The following KIF17 variants were observed in gnomAD, a reference collection of about 807,000 sequenced individuals.
KIF17 encodes the protein kinesin-like protein KIF17.
A neutral mutation model predicts 96.8 loss-of-function variants in KIF17; 80 were observed. The observed-to-expected ratio is 0.83, with a 90% confidence interval of 0.69 to 1.00. The LOEUF is 1.00. Among genes scored for constraint, KIF17 ranks in the 50% least tolerant of loss-of-function variants. KIF17 has a pLI of 0.00. For missense variants in KIF17, 1,280 were observed against 1,372.9 expected, an observed-to-expected ratio of 0.93 and a Z score of 1.07; for synonymous variants, 567 against 587.5, an observed-to-expected ratio of 0.97 and a Z score of 0.51.
chr1:20,703,487 G>GATGGATGGATGC (rs1350902154), intron 5 of KIF17, among the ~76,000 whole-genome samples: 2 of 109,824 alleles, frequency 1.8e-5, no homozygotes, highest in Admixed American at 8.8e-5. Flanking sequence ...TAGATGGATA[G>GATGGATGGATGC]ATGGATGGAT....
At chr1:20,683,978 T>C (rs2053881165) in intron 10 of KIF17, among the ~76,000 whole-genome samples, 1 of 152,288 alleles carries the variant, frequency 6.6e-6, no homozygotes, top group Non-Finnish European at 1.5e-5. Flanking sequence ...AAGTGTTTAC[T>C]GCGTGCCCAG....
At chr1:20,679,808 A>G (rs1189181688) in intron 11 of KIF17, among the ~76,000 whole-genome samples, 1 of 152,202 alleles carries the variant, frequency 6.6e-6, no homozygotes, top group African/African-American at 2.4e-5. Context: ...AACCTCCTGA[A>G]AGAAGTCCAG....
downstream of KIF17, among the ~76,000 whole-genome samples, chr1:20,663,736 T>C (rs1162231060): frequency 6.6e-6 from 1 of 152,244 alleles, no homozygotes; most frequent in Non-Finnish European, 1.5e-5. Flanking sequence ...CCCCCAGGAC[T>C]GTCAAAAGCT....
At chr1:20,665,103 C>T (rs1227997488) in intron 14 of KIF17, among the ~76,000 whole-genome samples, 1 of 152,036 alleles carries the variant, frequency 6.6e-6, no homozygotes, top group Non-Finnish European at 1.5e-5. Context: ...GTCTCTGAGC[C>T]TCAGTTTCCT....
Position 20,704,708 on chromosome 1 carries a change from G to A in KIF17, c.862C>T (p.Arg288Cys), listed in dbSNP as rs767489017. 13 of 1,613,770 alleles carry A rather than the reference G, an allele frequency of 8.1e-6. No homozygotes were observed. Among genetic ancestry groups the A allele is most frequent in the East Asian group, 2.2e-5 (1 of 44,888 alleles). The change falls in exon 5 of 15, where the codon CGT (arginine) becomes TGT (cysteine). Residue 288 changes from arginine to cysteine, a missense_variant. Arg to Cys is a radical substitution (Grantham distance 180). Transcript: ENST00000400463. The surrounding 1 kb of genome is among the most constrained non-coding windows in gnomAD (Gnocchi z 6.8). Reference sequence around the variant, plus strand: ...AGCAGCCGCGTCAGCTTCGAGTCACGGTAGGGGACGTGCTTACAGCGCCCG... The same window carrying A: ...AGCAGCCGCGTCAGCTTCGAGTCACAGTAGGGGACGTGCTTACAGCGCCCG... ...VDGRCKHVPY[R>C]DSKLTRLLQD...
Position 20,704,680 on chromosome 1 carries a change from T to C in KIF17, c.890A>G (p.Gln297Arg). 3 of 1,614,108 alleles carry C rather than the reference T, an allele frequency of 1.9e-6. No homozygotes were observed. The highest frequency in any genetic ancestry group is 2.5e-6 in the Non-Finnish European group (3 of 1,180,030). ...YRDSKLTRLL[Q>R]DSLGGNTKTL... The stretch of plus-strand genomic sequence containing the variant: ...CTTGGTGTTGCCGCCCAGTGAGTCC[T>C]GCAGCAGCCGCGTCAGCTTCGAGTC... Residue 297 changes from glutamine to arginine, a missense_variant, in exon 5 of 15, where the codon CAG (glutamine) becomes CGG (arginine). Coordinates refer to ENST00000400463, the MANE Select transcript of KIF17 (RefSeq NM_001122819.3). This position sits in a 1 kb window ranked among gnomAD's most constrained non-coding sequence, Gnocchi z 6.8.
In KIF17 at chr1:20,704,945, ATG is replaced by A; in HGVS notation, c.671-48_671-47del. On this transcript the variant is annotated intron_variant, in intron 4 of 14. Transcript: ENST00000400463. The surrounding 1 kb of genome is among the most constrained non-coding windows in gnomAD (Gnocchi z 6.8). Reference sequence around the variant, plus strand: ...GTGGCGAGGGCCTCGGGTGAGCCCTATGTATCGAGGGCAATCAGTGCCAGGCA... The same window carrying A: ...GTGGCGAGGGCCTCGGGTGAGCCCTATATCGAGGGCAATCAGTGCCAGGCA... 7.1e-6 allele frequency: 11 copies of A among 1,546,102 alleles called. No individual in the cohort carries two copies. The highest frequency in any genetic ancestry group is 8.8e-6 in the Non-Finnish European group (10 of 1,133,716).
At chr1:20,666,675 A>G (rs1001444609) in intron 13 of KIF17, among the ~76,000 whole-genome samples, 2 of 152,184 alleles carry the variant, frequency 1.3e-5, no homozygotes, top group Non-Finnish European at 2.9e-5. Context: ...ACAAGCCCCA[A>G]ATCTATCACG....
Position 20,709,628 on chromosome 1 carries a change from G to C in KIF17, c.670+11C>G. 1 of 1,613,836 alleles carries C rather than the reference G, an allele frequency of 6.2e-7. No homozygotes were observed. Among genetic ancestry groups the C allele is most frequent in the Non-Finnish European group, 8.5e-7 (1 of 1,179,994 alleles). ...ATCTGTCCCCCTGCCCCCAACAATG[G>C]CCTCGCATACCCACGGCAGACATCT... On this transcript the variant is annotated intron_variant, in intron 4 of 14. Transcript: ENST00000400463. This position sits in a 1 kb window ranked among gnomAD's most constrained non-coding sequence, Gnocchi z 4.7.
At chr1:20,669,821 G>C (rs528379888) in intron 13 of KIF17, among the ~76,000 whole-genome samples, 1 of 114,772 alleles carries the variant, frequency 8.7e-6, no homozygotes, top group Non-Finnish European at 1.6e-5. Context: ...AGCCAAGATC[G>C]CACCACTGCA....
At chr1:20,715,751 A>G in intron 1 of KIF17, 112 bp from the exon 2 acceptor site, 3 of 1,236,064 alleles carry the variant, frequency 2.4e-6, no homozygotes, top group Non-Finnish European at 3.5e-6. Flanking sequence ...CCCACCAACA[A>G]TGGCACTGGA....
At position 20,713,520 on chromosome 1, in the gene KIF17, G is replaced by A; in HGVS notation, c.414C>T (p.Ser138=). The stretch of plus-strand genomic sequence containing the variant: ...CATCTTCATTGTAGATCTCCAGGTA[G>A]GAGGCCCGGACCAGGAACTTAGTGT... ...AENTKFLVRA[S]YLEIYNEDVR... The change falls in exon 3 of 15, where the codon TCC becomes TCT. Residue 138 remains serine, a synonymous_variant. Transcript: ENST00000400463. The A allele has an allele frequency of 1.2e-6, 2 of 1,612,262 alleles. No homozygotes were observed. The highest frequency in any genetic ancestry group is 8.5e-7 in the Non-Finnish European group (1 of 1,179,520).
At chr1:20,705,195 T>G (rs2054320483) in intron 4 of KIF17, among the ~76,000 whole-genome samples, 1 of 152,266 alleles carries the variant, frequency 6.6e-6, no homozygotes, top group South Asian at 2.1e-4. Context: ...CCATTCTGAG[T>G]GCAATAGGGC....
intron 6 of KIF17, among the ~76,000 whole-genome samples, chr1:20,692,478 T>C (rs2054057056): frequency 6.6e-6 from 1 of 152,044 alleles, no homozygotes; most frequent in Non-Finnish European, 1.5e-5. Context: ...GCCTCCCAAG[T>C]AGCCTATTAC....
chr1:20,684,810 G>T lies in KIF17; in HGVS notation c.2230C>A (p.Arg744Ser). ...CCAGCCCCATGCTCTGCTGCTTACCGGGCCAGCACCTGCTGCTGGTCCACA... is the reference window on the plus strand; with the variant it reads ...CCAGCCCCATGCTCTGCTGCTTACCTGGCCAGCACCTGCTGCTGGTCCACA... The part of the protein sequence containing the change: ...PVVDQQQVLA[R>S]LQLLEQQVVG... The change falls in exon 10 of 15, where the codon CGT becomes AGT. Residue 744 changes from arginine to serine, a missense_variant and splice_region_variant. Transcript: ENST00000400463. 13 of 1,573,990 alleles carry T rather than the reference G, an allele frequency of 8.3e-6. No individual in the cohort carries two copies. The highest frequency in any genetic ancestry group is 1.1e-5 in the Non-Finnish European group (13 of 1,160,140).
Position 20,672,123 on chromosome 1 carries a change from G to T in KIF17, c.2537C>A (p.Thr846Asn), listed in dbSNP as rs1376188528. The T allele has an allele frequency of 1.2e-6, 2 of 1,614,064 alleles. No individual in the cohort carries two copies. Among genetic ancestry groups the T allele is most frequent in the East Asian group, 2.2e-5 (1 of 44,898 alleles). ...GGAGTCACGCTCCTGCCGGCGGATGGTGGCCAAGTAATCGATCTTCTCCAG... is the reference window on the plus strand; with the variant it reads ...GGAGTCACGCTCCTGCCGGCGGATGTTGGCCAAGTAATCGATCTTCTCCAG... Reference protein sequence around the residue: ...FQLEKIDYLATIRRQERDSML... With the variant: ...FQLEKIDYLANIRRQERDSML... The change falls in exon 12 of 15, where the codon ACC becomes AAC. Residue 846 changes from threonine (T) to asparagine (N), a missense_variant. Coordinates refer to ENST00000400463, the MANE Select transcript of KIF17 (RefSeq NM_001122819.3). This position sits in a 1 kb window ranked among gnomAD's most constrained non-coding sequence, Gnocchi z 4.3.
Position 20,687,898 on chromosome 1 carries a change from G to C in KIF17, c.1428C>G (p.Ser476=). The change falls in exon 8 of 15, where the codon TCC becomes TCG. Residue 476 remains serine, a synonymous_variant. Coordinates refer to ENST00000400463, the MANE Select transcript of KIF17 (RefSeq NM_001122819.3). The surrounding 1 kb of genome is among the most constrained non-coding windows in gnomAD (Gnocchi z 4.4). ...CAGCGCTGCTGGCAAACTCAGCCCT[G>C]GACATGACCTCAGCCTTGTAGAGGA... ...VGVLYKAEVM[S]RAEFASSAEY... 3 of 1,613,866 alleles carry C rather than the reference G, an allele frequency of 1.9e-6. No homozygotes were observed. The highest frequency in any genetic ancestry group is 2.2e-5 in the East Asian group (1 of 44,870).
Position 20,687,790 on chromosome 1 carries a change from G to A in KIF17, c.1536C>T (p.Val512=), listed in dbSNP as rs2053966178. ...STTDTLPSDD[V]SKTQVSSRFA... ...ACCTGGAGGAAACCTGAGTCTTGGA[G>A]ACATCGTCACTGGGCAGAGTGTCAG... is the stretch of plus-strand genomic sequence containing the variant. Residue 512 remains valine, a synonymous_variant, in exon 8 of 15, where the codon GTC becomes GTT. Transcript: ENST00000400463. This position sits in a 1 kb window ranked among gnomAD's most constrained non-coding sequence, Gnocchi z 4.4. 1.2e-6 allele frequency: 2 copies of A among 1,614,196 alleles called. No individual in the cohort carries two copies. The highest frequency in any genetic ancestry group is 1.1e-5 in the South Asian group (1 of 91,090).
At chr1:20,673,692 G>A (rs1024621013) in intron 11 of KIF17, among the ~76,000 whole-genome samples, 4 of 151,958 alleles carry the variant, frequency 2.6e-5, no homozygotes, top group African/African-American at 7.3e-5. Context: ...ACCACGCTCA[G>A]CTCATTTTTT....
Sources: gnomAD v4.1 joint callset for allele counts (sites outside exome capture counted in the v4.1 genomes callset) on GRCh38, gnomAD v4.1.1 for gene constraint, Gnocchi (gnomAD v3.1) non-coding constraint, MANE v1.5 for transcripts, NCBI Gene and HGNC (gene_info 2026-07-23, HGNC 2026-07-21) for gene names.